Variants in RASGRP3 observed in about 807,000 individuals in gnomAD.
RASGRP3 encodes RAS guanyl releasing protein 3.
RASGRP3 carries 54 observed loss-of-function variants against 82.7 expected under a neutral mutation model. The observed-to-expected ratio is 0.65, with a 90% CI of 0.52 to 0.82. The LOEUF is 0.82. Ranked by LOEUF, RASGRP3 falls within the 40% of genes least tolerant of loss-of-function variation. The pLI is 0.00. For missense variants in RASGRP3, 861 were observed against 828.9 expected, an observed-to-expected ratio of 1.04 and a Z score of -0.48; for synonymous variants, 309 against 300.5, an observed-to-expected ratio of 1.03 and a Z score of -0.29.
chr2:33,548,285 T>C lies in RASGRP3; in HGVS notation c.1395-1319T>C, dbSNP rs1264889760. The stretch of plus-strand genomic sequence containing the variant: ...CTGAGGCAGGAGAATGGCGTGAACC[T>C]GGGAGGCGGAGCTTGCAGTGAGCCG... On this transcript the variant is annotated intron_variant, in intron 13 of 17. Transcript: ENST00000403687. Among the ~76,000 whole-genome samples the C allele has an allele frequency of 8.4e-5, 11 of 131,612 alleles. No individual in the cohort carries two copies. The South Asian group carries it at 1.3e-3, about 15-fold the overall frequency. 86.3% of individuals were successfully genotyped at this position (131,612 alleles called of 152,430 possible). A position where few individuals can be genotyped will look rare whatever the true frequency, so the allele number is the denominator to read the frequency against.
chr2:33,468,447 G>T (rs1666854145), intron 2 of RASGRP3, among the ~76,000 whole-genome samples: 1 of 152,064 alleles, frequency 6.6e-6, no homozygotes, highest in East Asian at 1.9e-4. Flanking sequence ...TGTTGCCCAG[G>T]CTGGAGTGCA....
At chr2:33,544,285 G>C (rs1486363934) in intron 13 of RASGRP3, among the ~76,000 whole-genome samples, 2 of 151,904 alleles carry the variant, frequency 1.3e-5, no homozygotes, top group African/African-American at 4.8e-5. Context: ...TTGCACCCCA[G>C]TCTGGGTGAC....
At chr2:33,502,390 G>C (rs765890208) in intron 1 of RASGRP3, among the ~76,000 whole-genome samples, 1 of 151,944 alleles carries the variant, frequency 6.6e-6, no homozygotes, top group Non-Finnish European at 1.5e-5. Flanking sequence ...GTCTTAATTT[G>C]CTCACACTTT....
chr2:33,461,289 T>G (rs1666348414), intron 2 of RASGRP3, among the ~76,000 whole-genome samples: 1 of 152,194 alleles, frequency 6.6e-6, no homozygotes, highest in Non-Finnish European at 1.5e-5. Context: ...TTTATTTTAT[T>G]TTATTTTTTG....
At chr2:33,561,792 C>T (rs1192983021) in intron 17 of RASGRP3, among the ~76,000 whole-genome samples, 1 of 152,094 alleles carries the variant, frequency 6.6e-6, no homozygotes, top group Non-Finnish European at 1.5e-5. Context: ...AGGATTTACG[C>T]TCATTTTAAA....
At chr2:33,465,269 T>G (rs938221859) in intron 2 of RASGRP3, among the ~76,000 whole-genome samples, 3 of 152,224 alleles carry the variant, frequency 2.0e-5, no homozygotes, top group Non-Finnish European at 4.4e-5. Flanking sequence ...CAGCCAAAGC[T>G]TAATCTAGAG....
chr2:33,507,353 C>G (rs1160028150), intron 1 of RASGRP3, among the ~76,000 whole-genome samples: 1 of 152,126 alleles, frequency 6.6e-6, no homozygotes, highest in Non-Finnish European at 1.5e-5. Context: ...CAAGATCACA[C>G]CACTGCACTC....
At chr2:33,475,927 C>T (rs1459980024), upstream of RASGRP3, among the ~76,000 whole-genome samples, 2 of 152,174 alleles carry the variant, frequency 1.3e-5, no homozygotes, top group Admixed American at 6.5e-5. Context: ...CTCAGCTGCT[C>T]GATGCAATTC....
chr2:33,563,762 G>GAAA lies in RASGRP3; in HGVS notation c.*1027_*1028insAAA, dbSNP rs1315534442. 6.6e-6 allele frequency: 1 copy of GAAA among 151,746 alleles called. No individual in the cohort carries two copies. Among genetic ancestry groups the GAAA allele is most frequent in the African/African-American group, 2.4e-5 (1 of 41,294 alleles). The allele number at this position is 151,746 out of a possible 1,614,324, so 9.4% of individuals were successfully genotyped here. ...TAAGAAACTGCCTTCCACAATTAAAGAATACTCATAGAAAGAAAATAATCA... is the reference window on the plus strand; with the variant it reads ...TAAGAAACTGCCTTCCACAATTAAAGAAAAATACTCATAGAAAGAAAATAATCA... On this transcript the variant is annotated 3_prime_UTR_variant, in exon 18 of 18. Coordinates refer to ENST00000403687, the MANE Select transcript of RASGRP3 (RefSeq NM_001139488.2).
intron 1 of RASGRP3, among the ~76,000 whole-genome samples, chr2:33,478,663 T>C (rs1667599295): frequency 6.6e-6 from 1 of 152,214 alleles, no homozygotes; most frequent in Non-Finnish European, 1.5e-5. Context: ...AGTACATCCA[T>C]TGACTCAAAG....
chr2:33,472,951 G>C (rs1667146660), upstream of RASGRP3, among the ~76,000 whole-genome samples: 1 of 151,804 alleles, frequency 6.6e-6, no homozygotes, highest in South Asian at 2.1e-4. Context: ...AGTGAAGTGA[G>C]GGAAAAAAAG....
chr2:33,504,186 G>C (rs1160003109), intron 1 of RASGRP3, among the ~76,000 whole-genome samples: 1 of 152,076 alleles, frequency 6.6e-6, no homozygotes. Flanking sequence ...CTTACTGTCT[G>C]ACACTATTGG....
intron 15 of RASGRP3, among the ~76,000 whole-genome samples, chr2:33,556,494 G>A (rs1221157161): frequency 2.3e-5 from 2 of 88,162 alleles, no homozygotes; most frequent in Non-Finnish European, 2.1e-5. Flanking sequence ...TGATCCACCC[G>A]CCTCGGCCTC....
At position 33,549,719 on chromosome 2, in the gene RASGRP3, A is replaced by C; in HGVS notation, c.1510A>C (p.Lys504Gln). Residue 504 changes from lysine (K) to glutamine (Q), a missense_variant, in exon 14 of 18, where the codon AAG becomes CAG. Transcript: ENST00000403687. ...TAATTTTCAGGAGATGACCTATCTC[A>C]AGCCAACCTTCTGCGAACACTGTGC... Reference protein sequence around the residue: ...IHNFQEMTYLKPTFCEHCAGF... With the variant: ...IHNFQEMTYLQPTFCEHCAGF... The C allele has an allele frequency of 1.2e-6, 2 of 1,614,038 alleles. No individual in the cohort carries two copies. The highest frequency in any genetic ancestry group is 1.7e-6 in the Non-Finnish European group (2 of 1,179,886).
At chr2:33,530,401 A>C (rs1451432152) in intron 10 of RASGRP3, among the ~76,000 whole-genome samples, 1 of 140,524 alleles carries the variant, frequency 7.1e-6, no homozygotes, top group Admixed American at 6.8e-5. Context: ...CAGTTTTCAC[A>C]GCACTTTTCA....
intron 1 of RASGRP3, among the ~76,000 whole-genome samples, chr2:33,510,079 C>G (rs1670790116): frequency 6.6e-6 from 1 of 152,186 alleles, no homozygotes; most frequent in South Asian, 2.1e-4. Context: ...CACTTGTATT[C>G]ATGAAGGATT....
At chr2:33,561,281 G>T (rs1280279618) in intron 17 of RASGRP3, among the ~76,000 whole-genome samples, 2 of 152,096 alleles carry the variant, frequency 1.3e-5, no homozygotes, top group African/African-American at 4.8e-5. Context: ...TGGCCAGGCT[G>T]GTCCCAAACT....
intron 1 of RASGRP3, among the ~76,000 whole-genome samples, chr2:33,491,970 G>T (rs528898281): frequency 6.6e-6 from 1 of 152,386 alleles, no homozygotes; most frequent in Admixed American, 6.5e-5. Context: ...GTCAGGAGTA[G>T]TAGTTCTAGA....
intron 10 of RASGRP3, among the ~76,000 whole-genome samples, chr2:33,530,310 A>ATGTT (rs1672985755): frequency 6.6e-6 from 1 of 152,082 alleles, no homozygotes; most frequent in Non-Finnish European, 1.5e-5. Context: ...GAGAACCCTT[A>ATGTT]TGTTCATCAA....
Sources: allele counts gnomAD v4.1 joint callset (sites outside exome capture counted in the v4.1 genomes callset), GRCh38; gene constraint gnomAD v4.1.1; transcripts MANE v1.5; gene names NCBI Gene and HGNC (gene_info 2026-07-23, HGNC 2026-07-21).